CUX1: variants seen among roughly 807,000 people sequenced by gnomAD.
CUX1 encodes the protein cut like homeobox 1.
In CUX1, 31 loss-of-function variants were observed where a neutral mutation model predicts 158.8. The observed-to-expected ratio is 0.20, with a 90% CI of 0.15 to 0.26. CUX1 has a LOEUF of 0.26. Ranked by LOEUF, CUX1 falls within the 10% of genes least tolerant of loss-of-function variation. CUX1 has a pLI of 1.00. For synonymous variants in CUX1, 879 were observed against 862.1 expected (o/e 1.02, Z -0.34); for missense variants, 1,589 against 2,014.6 (o/e 0.79, Z 4.04).
At chr7:101,958,988 T>TAGG (rs1810122032) in intron 2 of CUX1, among the ~76,000 whole-genome samples, 1 of 150,752 alleles carries the variant, frequency 6.6e-6, no homozygotes, top group African/African-American at 2.4e-5. Flanking sequence ...CCTAAGTAGC[T>TAGG]AGGACTACAG....
rs1402745794 is a variant in CUX1, at chr7:101,876,245, T to A, written c.31-39870T>A. Among the ~76,000 whole-genome samples the A allele has an allele frequency of 4.6e-5, 7 of 150,764 alleles. No homozygotes were observed. In the South Asian group the frequency reaches 1.5e-3, roughly 32 times the overall value. ...TTGTAGTCCCAGCTACTCTGGAGGC[T>A]GAGGCAGGAGAGTCGCTTGATCCTA... On this transcript the variant is annotated intron_variant, in intron 1 of 23. Coordinates refer to ENST00000292535, the MANE Select transcript of CUX1 (RefSeq NM_181552.4).
chr7:101,965,073 T>C (rs1020199495), intron 2 of CUX1, among the ~76,000 whole-genome samples: 1 of 152,222 alleles, frequency 6.6e-6, no homozygotes, highest in African/African-American at 2.4e-5. Context: ...ACCTACTTCT[T>C]GCCAGACAGA....
chr7:101,942,867 G>A (rs1724112760), intron 2 of CUX1, among the ~76,000 whole-genome samples: 1 of 152,168 alleles, frequency 6.6e-6, no homozygotes, highest in South Asian at 2.1e-4. Flanking sequence ...CATGGGCTTC[G>A]CTGCACACGG....
In CUX1 at chr7:102,196,732, C is replaced by G. The variant is rs1474878451; in HGVS notation, c.1321C>G (p.Gln441Glu). 6.2e-7 allele frequency: 1 copy of G among 1,612,846 alleles called. No individual in the cohort carries two copies. Among genetic ancestry groups the G allele is most frequent in the African/African-American group, 1.3e-5 (1 of 75,002 alleles). The part of the protein sequence containing the change: ...PSQLPRNPGE[Q>E]ASNTNGTHQF... ...TCAGTTGCCCCGCAACCCGGGGGAG[C>G]AGGCTTCCAATACTAATGGTACACA... is the stretch of plus-strand genomic sequence containing the variant. The change falls in exon 15 of 24, where the codon CAG becomes GAG. Residue 441 changes from glutamine (Q) to glutamate (E), a missense_variant. Coordinates refer to ENST00000292535, the MANE Select transcript of CUX1 (RefSeq NM_181552.4).
At chr7:102,267,771 A>G (rs573969697) in intron 14 of CUX1, among the ~76,000 whole-genome samples, 1 of 151,998 alleles carries the variant, frequency 6.6e-6, no homozygotes, top group East Asian at 1.9e-4. Context: ...GACTCAAGCG[A>G]TCCTCCCGCC....
At chr7:102,271,864 A>G (rs1554546364) in intron 14 of CUX1, among the ~76,000 whole-genome samples, 2 of 152,224 alleles carry the variant, frequency 1.3e-5, no homozygotes. Flanking sequence ...TCTACTAAAA[A>G]TACAAAAATT....
Position 102,249,639 on chromosome 7 carries a change from G to A in CUX1, c.*597G>A. On this transcript the variant is annotated 3_prime_UTR_variant, in exon 24 of 24. Transcript: ENST00000292535. ...ATCTGCCATCTAATGGCTTCAGAGC[G>A]ATAATACACTATTATCTTCTTAAAC... 1 of 983,904 alleles carries A rather than the reference G, an allele frequency of 1.0e-6. No homozygotes were observed. The highest frequency in any genetic ancestry group is 1.8e-5 in the African/African-American group (1 of 56,968). 60.9% of individuals were successfully genotyped at this position (983,904 alleles called of 1,614,324 possible).
At chr7:101,885,534 G>A (rs936635895) in intron 1 of CUX1, among the ~76,000 whole-genome samples, 1 of 152,152 alleles carries the variant, frequency 6.6e-6, no homozygotes, top group African/African-American at 2.4e-5. Flanking sequence ...TCTCCAGCCT[G>A]GGCGACAGAG....
intron 1 of CUX1, chr7:101,913,303 AC>A (rs1443541338): frequency 2.6e-6 from 3 of 1,164,656 alleles, no homozygotes; most frequent in Non-Finnish European, 3.4e-6. Flanking sequence ...AAATTTGGAG[AC>A]CCCCGTGGGT....
rs145583986 is a variant in CUX1 at position 102,083,108 on chromosome 7, A to G, written c.268+12691A>G. Among the ~76,000 whole-genome samples, 571 of 147,028 alleles carry G rather than the reference A, an allele frequency of 3.9e-3. 22 individuals are homozygous for G. The highest frequency in any genetic ancestry group is 0.013 in the African/African-American group (545 of 41,182). ...TACAGTTGTATTATTTTATCCCCTC[A>G]TAAGAAATTGAGAGGAGTTCCAGTT... is the stretch of plus-strand genomic sequence containing the variant. On this transcript the variant is annotated intron_variant, in intron 4 of 23. Transcript: ENST00000292535.
At chr7:101,835,831 G>A (rs1375052061) in intron 1 of CUX1, among the ~76,000 whole-genome samples, 2 of 152,192 alleles carry the variant, frequency 1.3e-5, no homozygotes, top group Non-Finnish European at 2.9e-5. Context: ...CATCTCCCGG[G>A]TTCAAGCGAT....
At chr7:102,117,489 G>A (rs1554492193) in intron 8 of CUX1, among the ~76,000 whole-genome samples, 1 of 150,980 alleles carries the variant, frequency 6.6e-6, no homozygotes, top group African/African-American at 2.4e-5. Context: ...TTCCACGCCT[G>A]GGTTTGAATG....
Position 102,248,908 on chromosome 7 carries a change from C to T in CUX1, c.4384C>T (p.Leu1462Phe). The change falls in exon 24 of 24, where the codon CTC becomes TTC. Residue 1462 changes from leucine (L) to phenylalanine (F), a missense_variant. Transcript: ENST00000292535. The surrounding 1 kb of genome is among the most constrained non-coding windows in gnomAD (Gnocchi z 5.8). Reference protein sequence around the residue: ...RPSSLQSLFGLPEAAGARDSR... With the variant: ...RPSSLQSLFGFPEAAGARDSR... ...CAGCTCGCTGCAGAGCCTTTTCGGC[C>T]TCCCCGAGGCCGCGGGCGCCCGGGA... The T allele has an allele frequency of 1.4e-6, 2 of 1,438,050 alleles. No individual in the cohort carries two copies. Among genetic ancestry groups the T allele is most frequent in the Non-Finnish European group, 1.8e-6 (2 of 1,090,288 alleles). 89.1% of individuals were successfully genotyped at this position (1,438,050 alleles called of 1,614,324 possible).
At chr7:102,006,544 G>A (rs539407346) in intron 2 of CUX1, among the ~76,000 whole-genome samples, 107 of 152,116 alleles carry the variant, frequency 7.0e-4, no homozygotes, top group Admixed American at 1.0e-3. Context: ...TTACAGGAGC[G>A]CGCCACCACA....
chr7:101,914,376 C>CTCCCTCCCTCCCTCTT (rs1803903855), intron 1 of CUX1, among the ~76,000 whole-genome samples: 1 of 101,324 alleles, frequency 9.9e-6, no homozygotes, highest in African/African-American at 3.5e-5. Flanking sequence ...CCTTCCCTCC[C>CTCCCTCCCTCCCTCTT]TCCCTCCCTC....
chr7:102,233,459 C>T (rs1799206133), intron 21 of CUX1, among the ~76,000 whole-genome samples: 1 of 152,120 alleles, frequency 6.6e-6, no homozygotes, highest in Admixed American at 6.6e-5. Flanking sequence ...CCCAAAGGGC[C>T]CTTCCGGCCA....
In CUX1 at chr7:102,006,928, T is replaced by C. The variant is rs1473197574; in HGVS notation, c.142-21170T>C. Among the ~76,000 whole-genome samples the C allele has an allele frequency of 2.0e-5, 3 of 152,364 alleles. No homozygotes were observed. In the East Asian group the frequency reaches 5.8e-4, roughly 29 times the overall value. ...GGATGCAGCGGAAAGCCCTTGCTTC[T>C]TAGATTTCCCACACAAAAGTGTATT... On this transcript the variant is annotated intron_variant, in intron 2 of 23. Coordinates refer to ENST00000292535, the MANE Select transcript of CUX1 (RefSeq NM_181552.4).
rs782447131 is a variant in CUX1 at position 102,201,983 on chromosome 7, A to T, written c.2686A>T (p.Ser896Cys). ...ESPYSQSSEL[S>C]LTGASRSETP... ...CCCATACTCCCAGAGCTCAGAGCTG[A>T]GTCTGACCGGGGCCAGCCGCAGCGA... Residue 896 changes from serine to cysteine, a missense_variant, in exon 18 of 24, where the codon AGT (serine) becomes TGT (cysteine). Coordinates refer to ENST00000292535, the MANE Select transcript of CUX1 (RefSeq NM_181552.4). This position sits in a 1 kb window ranked among gnomAD's most constrained non-coding sequence, Gnocchi z 5.0. 1.2e-6 allele frequency: 2 copies of T among 1,614,012 alleles called. No homozygotes were observed. The highest frequency in any genetic ancestry group is 1.7e-5 in the Admixed American group (1 of 60,022).
chr7:102,046,426 T>C (rs183864826), intron 3 of CUX1, among the ~76,000 whole-genome samples: 179 of 152,070 alleles, frequency 1.2e-3, no homozygotes, highest in African/African-American at 4.2e-3. Flanking sequence ...AGAGACAGGG[T>C]TTCGTCACGT....
Sources: gnomAD v4.1 joint callset for allele counts (sites outside exome capture counted in the v4.1 genomes callset) on GRCh38, gnomAD v4.1.1 for gene constraint, Gnocchi (gnomAD v3.1) non-coding constraint, MANE v1.5 for transcripts, NCBI Gene and HGNC (gene_info 2026-07-23, HGNC 2026-07-21) for gene names.